The following ARHGAP8 variants were observed in gnomAD, a reference collection of about 807,000 sequenced individuals.
ARHGAP8 encodes the protein Rho GTPase activating protein 8, also known as rho GTPase-activating protein 8.
A neutral mutation model predicts 46.1 loss-of-function variants in ARHGAP8; 62 were observed. The ratio of observed to expected loss-of-function variants is 1.34; its 90% CI spans 1.10 to 1.66. The LOEUF (loss-of-function observed/expected upper bound fraction) is 1.66, where lower values mean the gene tolerates loss of function less well. Ranked by LOEUF, ARHGAP8 falls within the 40% of genes most tolerant of loss-of-function variation. The probability of loss-of-function intolerance (pLI) is 0.00; values close to 1 mark genes in which losing one functional copy is unlikely to be tolerated. For synonymous variants in ARHGAP8, 375 were observed against 243.1 expected, an observed-to-expected ratio of 1.54 and a Z score of -5.05; for missense variants, 923 against 568.4, an observed-to-expected ratio of 1.62 and a Z score of -6.34.
At chr22:44,760,011 A>G (rs535294204) in intron 1 of ARHGAP8, among the ~76,000 whole-genome samples, 72 of 152,276 alleles carry the variant, frequency 4.7e-4, no homozygotes, top group Non-Finnish European at 7.8e-4. Flanking sequence ...AGCCCTTTAG[A>G]GACCCCCTTG....
At chr22:44,858,628 C>T (rs1417457259) in intron 10 of ARHGAP8, among the ~76,000 whole-genome samples, 1 of 149,976 alleles carries the variant, frequency 6.7e-6, no homozygotes, top group Non-Finnish European at 1.5e-5. Flanking sequence ...GCCTCGGCCT[C>T]CCAAAGTGTT....
chr22:44,793,448 G>T (rs973969133), intron 2 of ARHGAP8, among the ~76,000 whole-genome samples: 5 of 152,164 alleles, frequency 3.3e-5, no homozygotes, highest in Non-Finnish European at 7.4e-5. Context: ...CCATTCCGTT[G>T]CCGGCTGGGC....
chr22:44,835,847 A>G (rs982058264), intron 7 of ARHGAP8, among the ~76,000 whole-genome samples: 7 of 152,166 alleles, frequency 4.6e-5, no homozygotes, highest in African/African-American at 1.4e-4. Flanking sequence ...ACTGGTAAGT[A>G]TCTGTCTTTC....
chr22:44,817,994 G>A (rs758027528), intron 5 of ARHGAP8, among the ~76,000 whole-genome samples: 32 of 152,136 alleles, frequency 2.1e-4, no homozygotes, highest in Non-Finnish European at 4.0e-4. Context: ...GCGTACCTTA[G>A]TCCCAGCTAT....
chr22:44,810,726 G>A (rs1929272419), intron 4 of ARHGAP8, among the ~76,000 whole-genome samples: 1 of 152,200 alleles, frequency 6.6e-6, no homozygotes, highest in South Asian at 2.1e-4. Flanking sequence ...GGTACGAGGT[G>A]TGGCCAGATG....
rs546293099 is a variant in ARHGAP8 at position 44,858,144 on chromosome 22, G to A, written c.878-1587G>A. 1.6e-4 allele frequency among the ~76,000 whole-genome samples: 24 copies of A among 152,298 alleles called. 1 individual carries two copies. The highest frequency in any genetic ancestry group is 5.8e-4 in the African/African-American group (24 of 41,564). ...ATGGCTTTTATTAAGAAGCCAACAG[G>A]AATGATCATAGTGGGGAGTCTTGTG... On this transcript the variant is annotated intron_variant, in intron 10 of 11. Coordinates refer to ENST00000356099, the MANE Select transcript of ARHGAP8 (RefSeq NM_181335.3).
At chr22:44,828,866 C>G (rs1021332104) in intron 7 of ARHGAP8, among the ~76,000 whole-genome samples, 17 of 152,254 alleles carry the variant, frequency 1.1e-4, no homozygotes, top group African/African-American at 3.9e-4. Flanking sequence ...CTGTGGCACA[C>G]AGGGTCCCAG....
rs925574311 is a variant in ARHGAP8 at position 44,760,358 on chromosome 22, C to T, written c.-72+7731C>T. ...ATTCAGCCATGAGCAAGATCTCCTG[C>T]CCCCATCATTCCTGGACTTTCCCAG... On this transcript the variant is annotated intron_variant, in intron 1 of 11. Transcript: ENST00000356099. Among the ~76,000 whole-genome samples, 30 of 152,276 alleles carry T rather than the reference C, an allele frequency of 2.0e-4. No individual in the cohort carries two copies. The Middle Eastern group carries it at 0.01, about 52-fold the overall frequency.
At chr22:44,763,977 A>AT (rs1221852794) in intron 1 of ARHGAP8, among the ~76,000 whole-genome samples, 1 of 151,212 alleles carries the variant, frequency 6.6e-6, no homozygotes, top group African/African-American at 2.4e-5. Flanking sequence ...CGCCTGGCTA[A>AT]TTTTTTTTGT....
intron 1 of ARHGAP8, among the ~76,000 whole-genome samples, chr22:44,784,037 C>A (rs1424920529): frequency 6.6e-6 from 1 of 152,100 alleles, no homozygotes. Flanking sequence ...TAACATAATA[C>A]ATAAAAAATA....
intron 10 of ARHGAP8, among the ~76,000 whole-genome samples, chr22:44,858,437 G>A (rs1210018110): frequency 1.4e-5 from 2 of 147,562 alleles, no homozygotes; most frequent in African/African-American, 2.5e-5. Context: ...GCACCATCTC[G>A]GCTCAGTGCA....
At chr22:44,858,456 C>A (rs574674008) in intron 10 of ARHGAP8, among the ~76,000 whole-genome samples, 1 of 116,364 alleles carries the variant, frequency 8.6e-6, no homozygotes, top group East Asian at 2.1e-4. Context: ...CAGCCTCTGT[C>A]TTCTGAGTTC....
At position 44,862,339 on chromosome 22, in the gene ARHGAP8, A is replaced by C. The variant is rs201566003; in HGVS notation, c.1046A>C (p.Asn349Thr). Residue 349 changes from asparagine to threonine, a missense_variant, in exon 12 of 12, where the codon AAT (asparagine) becomes ACT (threonine). Physicochemically the swap from Asn to Thr is moderately conservative, Grantham distance 65. Coordinates refer to ENST00000356099, the MANE Select transcript of ARHGAP8 (RefSeq NM_181335.3). ...AACCTGGCCTGTGTCTTCGGGCTGA[A>C]TTTGATCTGGCCATCCCAGGGGGTC... ...SSNLACVFGL[N>T]LIWPSQGVSS... The C allele has an allele frequency of 6.2e-7, 1 of 1,613,984 alleles. No individual in the cohort carries two copies. Among genetic ancestry groups the C allele is most frequent in the Non-Finnish European group, 8.5e-7 (1 of 1,179,918 alleles).
intron 10 of ARHGAP8, among the ~76,000 whole-genome samples, chr22:44,857,804 C>G (rs1482447665): frequency 6.6e-6 from 1 of 151,466 alleles, no homozygotes; most frequent in African/African-American, 2.4e-5. Context: ...TCAGAGCTCT[C>G]TTTCCTCCTC....
intron 4 of ARHGAP8, among the ~76,000 whole-genome samples, chr22:44,810,805 C>T (rs1053336198): frequency 5.3e-5 from 8 of 151,878 alleles, no homozygotes; most frequent in Non-Finnish European, 8.8e-5. Context: ...CGTGGGGAGC[C>T]GTGGAGGGAG....
intron 2 of ARHGAP8, among the ~76,000 whole-genome samples, chr22:44,795,958 G>A (rs1162254736): frequency 6.6e-6 from 1 of 152,146 alleles, no homozygotes; most frequent in Non-Finnish European, 1.5e-5. Flanking sequence ...CTGTCCCTGG[G>A]ATCCCTACTC....
intron 1 of ARHGAP8, among the ~76,000 whole-genome samples, chr22:44,783,011 C>T (rs986000824): frequency 6.6e-6 from 1 of 152,062 alleles, no homozygotes; most frequent in African/African-American, 2.4e-5. Context: ...ATGGTTCCCG[C>T]AGTGGGCCTG....
chr22:44,787,518 T>C (rs980820744), intron 2 of ARHGAP8, among the ~76,000 whole-genome samples: 2 of 152,106 alleles, frequency 1.3e-5, no homozygotes, highest in Non-Finnish European at 2.9e-5. Context: ...CTAATTTTTG[T>C]ATTTTTAGTA....
intron 10 of ARHGAP8, among the ~76,000 whole-genome samples, chr22:44,857,953 A>AG (rs1433982185): frequency 8.1e-6 from 1 of 122,718 alleles, no homozygotes; most frequent in Non-Finnish European, 1.8e-5. Flanking sequence ...CACAGAGCTG[A>AG]GGGTGACCTG....
Sources: allele counts gnomAD v4.1 joint callset (sites outside exome capture counted in the v4.1 genomes callset), GRCh38; gene constraint gnomAD v4.1.1; transcripts MANE v1.5; gene names NCBI Gene and HGNC (gene_info 2026-07-23, HGNC 2026-07-21).